The following KLHL4 variants were observed in gnomAD, a reference collection of about 807,000 sequenced individuals.
KLHL4 encodes kelch like family member 4, also known as kelch-like protein 4.
KLHL4 carries 17 observed loss-of-function variants against 45.8 expected under a neutral mutation model. That is an observed-to-expected ratio of 0.37 (90% CI 0.25 to 0.56). The LOEUF (loss-of-function observed/expected upper bound fraction) is 0.56. KLHL4 is among the 20% of genes least tolerant of loss of function. The pLI is 0.79. For synonymous variants in KLHL4, 224 were observed against 189.9 expected (o/e 1.18, Z -1.47); for missense variants, 544 against 544.9 (o/e 1.00, Z 0.02).
intron 1 of KLHL4, among the ~76,000 whole-genome samples, chrX:87,588,246 A>G (rs1342412409): frequency 4.5e-5 from 5 of 111,939 alleles, no homozygotes; most frequent in Non-Finnish European, 3.8e-5. Flanking sequence ...GATTCAATGC[A>G]GTCTCTATCA....
At chrX:87,535,233 C>T (rs773019882) in intron 1 of KLHL4, among the ~76,000 whole-genome samples, 11 of 111,260 alleles carry the variant, frequency 9.9e-5, no homozygotes, top group Non-Finnish European at 1.5e-4. Context: ...ATGACCACAC[C>T]TAATTAGTGG....
At chrX:87,566,916 G>A (rs146611307) in intron 1 of KLHL4, among the ~76,000 whole-genome samples, 512 of 111,131 alleles carry the variant, frequency 4.6e-3, no homozygotes, top group Non-Finnish European at 7.9e-3. Context: ...CGTTTTGGAG[G>A]GTGGAGGGCA....
intron 1 of KLHL4, among the ~76,000 whole-genome samples, chrX:87,558,294 T>A (rs1248694847): frequency 9.0e-6 from 1 of 111,356 alleles, no homozygotes; most frequent in Non-Finnish European, 1.9e-5. Context: ...CTCTCATTTG[T>A]AAAATGAGGA....
chrX:87,619,283 G>A (rs1231700807), intron 4 of KLHL4, among the ~76,000 whole-genome samples: 1 of 111,454 alleles, frequency 9.0e-6, no homozygotes, highest in Non-Finnish European at 1.9e-5. Flanking sequence ...TATTTTTCTG[G>A]AGTTTTATAC....
At chrX:87,530,427 C>G (rs1252507649) in intron 1 of KLHL4, among the ~76,000 whole-genome samples, 1 of 70,936 alleles carries the variant, frequency 1.4e-5, no homozygotes, top group Non-Finnish European at 2.5e-5. Context: ...CCCCTCCCCC[C>G]ACCCCACAAC....
intron 9 of KLHL4, among the ~76,000 whole-genome samples, chrX:87,646,946 A>C (rs1281820466): frequency 9.0e-6 from 1 of 111,595 alleles, no homozygotes; most frequent in Non-Finnish European, 1.9e-5. Flanking sequence ...TAATCAGCAG[A>C]GTAAAAAGAT....
chrX:87,563,666 A>C (rs748872119), intron 1 of KLHL4, among the ~76,000 whole-genome samples: 1 of 109,631 alleles, frequency 9.1e-6, no homozygotes, highest in East Asian at 3.0e-4. Flanking sequence ...ATTGGCCTCA[A>C]AAAGGAGGCA....
chrX:87,654,109 A>G (rs958560826), intron 9 of KLHL4, among the ~76,000 whole-genome samples: 2 of 111,362 alleles, frequency 1.8e-5, no homozygotes, highest in African/African-American at 6.6e-5. Context: ...AAACTTGCAC[A>G]TCCTGCACAT....
At position 87,622,317 on chromosome X, in the gene KLHL4, C is replaced by T. The variant is rs1461585460; in HGVS notation, c.1031C>T (p.Thr344Ile). The change falls in exon 5 of 11, where the codon ACC becomes ATC. Residue 344 changes from threonine (T) to isoleucine (I), a missense_variant. Physicochemically the swap from Thr to Ile is moderately conservative, Grantham distance 89. Transcript: ENST00000373119. ...GACATTAATGTGCCTGATGAAGAGA[C>T]CATTTTTCATGCTCTAATGCAGTGG... ...SDDINVPDEE[T>I]IFHALMQWVG... 1.7e-6 allele frequency: 2 copies of T among 1,202,665 alleles called. No homozygotes were observed. The highest frequency in any genetic ancestry group is 2.2e-6 in the Non-Finnish European group (2 of 889,052).
At chrX:87,630,868 T>G (rs1271268380) in intron 6 of KLHL4, among the ~76,000 whole-genome samples, 1 of 111,976 alleles carries the variant, frequency 8.9e-6, no homozygotes, top group Non-Finnish European at 1.9e-5. Context: ...TGAGGTTCGT[T>G]GTCTCTTGGC....
intron 1 of KLHL4, among the ~76,000 whole-genome samples, chrX:87,523,845 C>A (rs978742879): frequency 4.5e-5 from 5 of 110,672 alleles, no homozygotes; most frequent in African/African-American, 1.6e-4. Context: ...CACCTGTAAT[C>A]CCAGCTACTC....
At chrX:87,557,544 G>A (rs1324251341) in intron 1 of KLHL4, among the ~76,000 whole-genome samples, 2 of 111,709 alleles carry the variant, frequency 1.8e-5, no homozygotes, top group Non-Finnish European at 3.8e-5. Context: ...TATGCTAAAA[G>A]AACAAATCAA....
At chrX:87,526,549 C>A (rs1344138127) in intron 1 of KLHL4, among the ~76,000 whole-genome samples, 1 of 111,445 alleles carries the variant, frequency 9.0e-6, no homozygotes, top group Non-Finnish European at 1.9e-5. Context: ...GTCTTTCTGG[C>A]CAGAAAAATC....
intron 1 of KLHL4, among the ~76,000 whole-genome samples, chrX:87,588,106 G>T (rs185143878): frequency 9.0e-6 from 1 of 111,121 alleles, no homozygotes; most frequent in African/African-American, 3.3e-5. Flanking sequence ...GGAAGTGAAA[G>T]ATATATAAGG....
At chrX:87,651,984 A>G (rs960905227) in intron 9 of KLHL4, among the ~76,000 whole-genome samples, 5 of 112,267 alleles carry the variant, frequency 4.5e-5, no homozygotes, top group African/African-American at 1.6e-4. Context: ...AGTCATTTCC[A>G]TACATTCTCT....
chrX:87,592,367 G>C (rs754638223), intron 1 of KLHL4, among the ~76,000 whole-genome samples: 1 of 111,564 alleles, frequency 9.0e-6, no homozygotes, highest in African/African-American at 3.3e-5. Flanking sequence ...TGTCTTTTGA[G>C]TGTATACCTA....
intron 1 of KLHL4, among the ~76,000 whole-genome samples, chrX:87,547,304 G>A (rs1398280849): frequency 1.8e-5 from 2 of 110,749 alleles, no homozygotes; most frequent in Non-Finnish European, 3.8e-5. Flanking sequence ...TTTATAAGTG[G>A]CTCTTCCCCC....
At position 87,536,692 on chromosome X, in the gene KLHL4, A is replaced by G. The variant is rs1412377566; in HGVS notation, c.422+18377A>G. ...GTTTGCCATTCTAGCATAGCATAAA[A>G]GTTTACAGGGCTATGTGAATATTAG... is the stretch of plus-strand genomic sequence containing the variant. On this transcript the variant is annotated intron_variant, in intron 1 of 10. Transcript: ENST00000373119. Among the ~76,000 whole-genome samples the G allele has an allele frequency of 2.7e-5, 3 of 110,981 alleles. No homozygotes were observed. In the Admixed American group the frequency reaches 2.9e-4, roughly 11 times the overall value.
intron 1 of KLHL4, among the ~76,000 whole-genome samples, chrX:87,527,889 A>T (rs185279823): frequency 9.0e-6 from 1 of 110,670 alleles, no homozygotes; most frequent in Admixed American, 9.8e-5. Context: ...CGAAAAAGCA[A>T]GGAAACATAA....
Sources: gnomAD v4.1 joint callset for allele counts (sites outside exome capture counted in the v4.1 genomes callset) on GRCh38, gnomAD v4.1.1 for gene constraint, MANE v1.5 for transcripts, NCBI Gene and HGNC (gene_info 2026-07-23, HGNC 2026-07-21) for gene names.